The following DPY19L3 variants were observed in gnomAD, a reference collection of about 807,000 sequenced individuals.
The protein encoded by DPY19L3 is protein C-mannosyl-transferase DPY19L3.
Under a neutral mutation model 92.3 loss-of-function variants are expected in DPY19L3, and 51 were observed. That is an observed-to-expected ratio of 0.55 (90% CI 0.44 to 0.70). DPY19L3 has a LOEUF of 0.70. Ranked by LOEUF, DPY19L3 falls within the 30% of genes least tolerant of loss-of-function variation. The pLI, the probability that DPY19L3 is intolerant of heterozygous loss-of-function variation, is 0.00. For synonymous variants in DPY19L3, 309 were observed against 315.2 expected (o/e 0.98, Z 0.21); for missense variants, 706 against 855.9 (o/e 0.82, Z 2.18).
At chr19:32,413,444 CT>C (rs66733163) in intron 3 of DPY19L3, among the ~76,000 whole-genome samples, 127 of 148,834 alleles carry the variant, frequency 8.5e-4, no homozygotes, top group East Asian at 4.5e-3. Flanking sequence ...AAGAATAATT[CT>C]TTTTTTTTTT....
chr19:32,413,777 A>G (rs986617932), intron 3 of DPY19L3, among the ~76,000 whole-genome samples: 6 of 151,892 alleles, frequency 4.0e-5, no homozygotes, highest in African/African-American at 9.7e-5. Flanking sequence ...CTGGAGTGCA[A>G]TGGCACAATT....
intron 8 of DPY19L3, among the ~76,000 whole-genome samples, chr19:32,447,792 C>T (rs1447832505): frequency 2.4e-5 from 3 of 124,892 alleles, no homozygotes; most frequent in Non-Finnish European, 5.2e-5. Flanking sequence ...ATAAGATACT[C>T]CATCTCATTC....
intron 9 of DPY19L3, among the ~76,000 whole-genome samples, 173 bp from the exon 10 acceptor site, chr19:32,454,766 C>G (rs1035289570): frequency 1.3e-5 from 2 of 152,088 alleles, no homozygotes; most frequent in Admixed American, 6.5e-5. Flanking sequence ...TAGAAAATCA[C>G]AAATATTAAG....
chr19:32,422,051 A>T (rs1418417219), intron 3 of DPY19L3, among the ~76,000 whole-genome samples: 1 of 152,200 alleles, frequency 6.6e-6, no homozygotes, highest in African/African-American at 2.4e-5. Context: ...TCACCCCCAC[A>T]TGAACTTCCT....
Position 32,482,614 on chromosome 19 carries a change from G to A in DPY19L3, c.*374G>A, listed in dbSNP as rs1970708075. ...TACGTTTAATTTTCAGGTGACTTAA[G>A]ACAGCTATGATTGAATCAACTAGAG... On this transcript the variant is annotated 3_prime_UTR_variant, in exon 19 of 19. Coordinates refer to ENST00000392250, the MANE Select transcript of DPY19L3 (RefSeq NM_001172774.2). The A allele has an allele frequency of 5.8e-6, 1 of 171,876 alleles. No homozygotes were observed. Among genetic ancestry groups the A allele is most frequent in the Non-Finnish European group, 1.2e-5 (1 of 81,226 alleles). The allele number at this position is 171,876 out of a possible 1,614,324, so 10.6% of individuals were successfully genotyped here.
In DPY19L3 at chr19:32,485,362, T is replaced by C. The variant is rs1053105212; in HGVS notation, c.*3122T>C. On this transcript the variant is annotated 3_prime_UTR_variant, in exon 19 of 19. Transcript: ENST00000392250. ...TTTATCATCCTGTTAATGATGATTT[T>C]CCCGACCCTTGTGAGATCAGCGTGA... 3 of 152,152 alleles carry C rather than the reference T, an allele frequency of 2.0e-5. No homozygotes were observed. Among genetic ancestry groups the C allele is most frequent in the African/African-American group, 4.8e-5 (2 of 41,394 alleles). The allele number at this position is 152,152 out of a possible 1,614,324, so 9.4% of individuals were successfully genotyped here.
Position 32,432,784 on chromosome 19 carries a change from G to A in DPY19L3, c.306G>A (p.Leu102=), listed in dbSNP as rs756740035. The part of the protein sequence containing the change: ...GLYYSYYKQM[L]QAPTLVQGFH... Reference sequence around the variant, plus strand: ...ATTACTCCTACTACAAGCAGATGCTGCAGGCTCCAACCCTCGTGCAAGGTA... The same window carrying A: ...ATTACTCCTACTACAAGCAGATGCTACAGGCTCCAACCCTCGTGCAAGGTA... Residue 102 remains leucine (L), a synonymous_variant, in exon 4 of 19, where the codon CTG becomes CTA. Transcript: ENST00000392250. 3 of 1,613,794 alleles carry A rather than the reference G, an allele frequency of 1.9e-6. No homozygotes were observed. The highest frequency in any genetic ancestry group is 2.2e-5 in the East Asian group (1 of 44,852).
rs140766712 is a variant in DPY19L3, at chr19:32,421,372, G to T, written c.237+10000G>T. On this transcript the variant is annotated intron_variant, in intron 3 of 18. Transcript: ENST00000392250. ...GAAGAGTCTGCGGCCAGGCAAGGTGGCTCACGCCTGTAATCCCAGCACTTT... is the reference window on the plus strand; with the variant it reads ...GAAGAGTCTGCGGCCAGGCAAGGTGTCTCACGCCTGTAATCCCAGCACTTT... 3.5e-3 allele frequency among the ~76,000 whole-genome samples: 534 copies of T among 152,282 alleles called. 7 individuals are homozygous for T. Among genetic ancestry groups the T allele is most frequent in the African/African-American group, 0.012 (507 of 41,550 alleles).
At chr19:32,446,172 G>C (rs1306668990) in intron 8 of DPY19L3, among the ~76,000 whole-genome samples, 2 of 152,098 alleles carry the variant, frequency 1.3e-5, no homozygotes, top group East Asian at 1.9e-4. Flanking sequence ...TATACCACTA[G>C]TCCGTAATAA....
chr19:32,462,135 A>G (rs958732271), intron 12 of DPY19L3, among the ~76,000 whole-genome samples: 6 of 152,216 alleles, frequency 3.9e-5, no homozygotes, highest in African/African-American at 1.4e-4. Context: ...CTTCTCTTGC[A>G]CTTTGGGGCC....
intron 8 of DPY19L3, among the ~76,000 whole-genome samples, chr19:32,449,334 A>G (rs1004295780): frequency 1.3e-5 from 2 of 152,200 alleles, no homozygotes; most frequent in Non-Finnish European, 2.9e-5. Context: ...TGTTGTTAAG[A>G]TGGCAGTGCC....
intron 3 of DPY19L3, among the ~76,000 whole-genome samples, chr19:32,429,104 C>T (rs1968873940): frequency 6.6e-6 from 1 of 152,204 alleles, no homozygotes; most frequent in African/African-American, 2.4e-5. Context: ...GCCTCAGCCT[C>T]CCAAAGTGCT....
At chr19:32,421,643 AAAAGAGAG>A (rs1327504678) in intron 3 of DPY19L3, among the ~76,000 whole-genome samples, 1 of 140,798 alleles carries the variant, frequency 7.1e-6, no homozygotes, top group Non-Finnish European at 1.6e-5. Flanking sequence ...AAAAAAAAAA[AAAAGAGAG>A]AGGAGTCTGT....
At chr19:32,429,374 A>G (rs1048883801) in intron 3 of DPY19L3, among the ~76,000 whole-genome samples, 4 of 152,204 alleles carry the variant, frequency 2.6e-5, no homozygotes, top group Non-Finnish European at 4.4e-5. Context: ...AAACTGGAAA[A>G]GTGTTTGAAT....
chr19:32,406,247 T>C (rs1599572895), intron 1 of DPY19L3: 1 of 152,522 alleles, frequency 6.6e-6, no homozygotes, highest in Non-Finnish European at 1.5e-5. Context: ...CGGCTGCCCC[T>C]GTCCTTGGAG....
intron 3 of DPY19L3, among the ~76,000 whole-genome samples, chr19:32,428,271 C>G (rs1169938795): frequency 6.6e-6 from 1 of 152,052 alleles, no homozygotes; most frequent in Non-Finnish European, 1.5e-5. Context: ...CGCGCCTGGC[C>G]TGTAAACAGA....
chr19:32,423,116 T>A (rs1403714188), intron 3 of DPY19L3, among the ~76,000 whole-genome samples: 1 of 152,194 alleles, frequency 6.6e-6, no homozygotes, highest in Non-Finnish European at 1.5e-5. Flanking sequence ...GACAGAAAGA[T>A]GCTCAGTGGG....
intron 3 of DPY19L3, among the ~76,000 whole-genome samples, chr19:32,428,296 G>C (rs1221691299): frequency 6.6e-6 from 1 of 151,946 alleles, no homozygotes; most frequent in Non-Finnish European, 1.5e-5. Context: ...TTTTACGTGA[G>C]TTGTTCTTGT....
In DPY19L3 at chr19:32,484,575, A is replaced by G. The variant is rs1213475768; in HGVS notation, c.*2335A>G. On this transcript the variant is annotated 3_prime_UTR_variant, in exon 19 of 19. Transcript: ENST00000392250. ...CAGAAGACCCTCTAAGTACAATAGA[A>G]GTGCTCTTAACGGACTCTGCCTGTG... The G allele has an allele frequency of 6.6e-6, 1 of 152,158 alleles. No homozygotes were observed. Among genetic ancestry groups the G allele is most frequent in the East Asian group, 1.9e-4 (1 of 5,188 alleles). The allele number at this position is 152,158 out of a possible 1,614,324, so 9.4% of individuals were successfully genotyped here. A position where few individuals can be genotyped will look rare whatever the true frequency, so the allele number is the denominator to read the frequency against.
Sources: allele counts gnomAD v4.1 joint callset (sites outside exome capture counted in the v4.1 genomes callset), GRCh38; gene constraint gnomAD v4.1.1; transcripts MANE v1.5; gene names NCBI Gene and HGNC (gene_info 2026-07-23, HGNC 2026-07-21).